PLCH1: variants seen among roughly 807,000 people sequenced by gnomAD.
The protein encoded by PLCH1 is 1-phosphatidylinositol 4,5-bisphosphate phosphodiesterase eta-1.
In PLCH1, 60 loss-of-function variants were observed where a neutral mutation model predicts 126.7. That is an observed-to-expected ratio of 0.47 (90% CI 0.38 to 0.59). PLCH1 has a LOEUF of 0.59. PLCH1 is among the 20% of genes least tolerant of loss of function. The pLI is 0.00. For synonymous variants in PLCH1, 719 were observed against 734.9 expected, an observed-to-expected ratio of 0.98 and a Z score of 0.35; for missense variants, 1,723 against 2,040.0, an observed-to-expected ratio of 0.84 and a Z score of 2.99.
chr3:155,522,152 T>C (rs968602154), intron 11 of PLCH1, among the ~76,000 whole-genome samples: 1 of 152,134 alleles, frequency 6.6e-6, no homozygotes, highest in Non-Finnish European at 1.5e-5. Flanking sequence ...ACACTATGGC[T>C]GGCAACCAAG....
intron 1 of PLCH1, among the ~76,000 whole-genome samples, chr3:155,714,116 A>G (rs980854352): frequency 5.9e-5 from 9 of 152,372 alleles, no homozygotes; most frequent in Admixed American, 4.6e-4. Context: ...TATATCCTGT[A>G]CTTCGGCCTC....
In PLCH1 at chr3:155,482,477, C is replaced by T. The variant is rs1180033291; in HGVS notation, c.3549G>A (p.Glu1183=). 2 of 1,614,102 alleles carry T rather than the reference C, an allele frequency of 1.2e-6. No individual in the cohort carries two copies. Among genetic ancestry groups the T allele is most frequent in the South Asian group, 1.1e-5 (1 of 91,074 alleles). The change falls in exon 23 of 23, where the codon GAG becomes GAA. Residue 1183 remains glutamate, a synonymous_variant. Coordinates refer to ENST00000460012, the MANE Select transcript of PLCH1 (RefSeq NM_014996.4). ...TCAGGGCTGAGATGGAACTGCCCGG[C>T]TCATTCTCATTTGTTAAAGTGACAT... is the stretch of plus-strand genomic sequence containing the variant. ...IDNVTLTNEN[E]PGSSISALIG... is the part of the protein sequence containing the mutation.
chr3:155,499,107 T>C (rs536510711), intron 14 of PLCH1, among the ~76,000 whole-genome samples: 2 of 152,344 alleles, frequency 1.3e-5, no homozygotes, highest in East Asian at 1.9e-4. Flanking sequence ...ATAAGTATCA[T>C]AGTGGGTGTG....
intron 2 of PLCH1, among the ~76,000 whole-genome samples, chr3:155,607,954 T>C (rs1247125358): frequency 2.0e-5 from 3 of 152,094 alleles, no homozygotes; most frequent in African/African-American, 7.2e-5. Context: ...ACTCTGTAAA[T>C]TCCACGAGAC....
intron 21 of PLCH1, among the ~76,000 whole-genome samples, chr3:155,456,411 T>TG (rs2107968809): frequency 6.6e-6 from 1 of 152,230 alleles, no homozygotes; most frequent in South Asian, 2.1e-4. Context: ...AAAGCCATCC[T>TG]GGGCTGCCTT....
chr3:155,595,675 T>C (rs748267013), intron 3 of PLCH1, among the ~76,000 whole-genome samples: 1 of 152,192 alleles, frequency 6.6e-6, no homozygotes, highest in Non-Finnish European at 1.5e-5. Flanking sequence ...CATAATCACA[T>C]GAGCCAATTC....
chr3:155,608,214 G>A (rs1734593651), intron 2 of PLCH1, among the ~76,000 whole-genome samples: 1 of 152,288 alleles, frequency 6.6e-6, no homozygotes, highest in African/African-American at 2.4e-5. Flanking sequence ...TCTAACAGGG[G>A]TCCTTGGGGA....
At chr3:155,722,983 C>T (rs747606368) in intron 1 of PLCH1, among the ~76,000 whole-genome samples, 1 of 152,110 alleles carries the variant, frequency 6.6e-6, no homozygotes, top group Non-Finnish European at 1.5e-5. Context: ...TTTTTTACTA[C>T]CATTTCAATC....
intron 6 of PLCH1, among the ~76,000 whole-genome samples, chr3:155,575,952 A>T (rs1729889165): frequency 6.6e-6 from 1 of 152,048 alleles, no homozygotes; most frequent in East Asian, 1.9e-4. Context: ...GGCTAGGAGG[A>T]TTTTCCAACT....
intron 2 of PLCH1, among the ~76,000 whole-genome samples, chr3:155,678,026 C>T (rs550904229): frequency 3.2e-4 from 48 of 152,240 alleles, no homozygotes; most frequent in African/African-American, 1.1e-3. Flanking sequence ...ATCTCTTGCT[C>T]GGTCCTGAAA....
In PLCH1 at chr3:155,488,817, T is replaced by C. The variant is rs376598506; in HGVS notation, c.2393-11A>G. 5 of 1,595,742 alleles carry C rather than the reference T, an allele frequency of 3.1e-6. No individual in the cohort carries two copies. The highest frequency in any genetic ancestry group is 2.3e-5 in the South Asian group (2 of 87,288). On this transcript the variant is annotated splice_polypyrimidine_tract_variant and intron_variant, in intron 19 of 22. Coordinates refer to ENST00000460012, the MANE Select transcript of PLCH1 (RefSeq NM_014996.4). ...ACACAGGGTTAAATCCTCAGAGAAATAGGAAAAGAAAAATCAGAAAAGCAA... is the reference window on the plus strand; with the variant it reads ...ACACAGGGTTAAATCCTCAGAGAAACAGGAAAAGAAAAATCAGAAAAGCAA...
At position 155,526,370 on chromosome 3, in the gene PLCH1, G is replaced by GCT. The variant is rs576894112; in HGVS notation, c.1363-2368_1363-2367dup. Among the ~76,000 whole-genome samples the GCT allele has an allele frequency of 4.3e-3, 640 of 147,242 alleles. 1 individual carries two copies. Among genetic ancestry groups the GCT allele is most frequent in the African/African-American group, 0.014 (572 of 40,134 alleles). Reference sequence around the variant, plus strand: ...CTCCAAACTTCTCTCCTTTCCTGGAGCTCTCTCTCTCTCTCTCTCTTCTTT... The same window carrying GCT: ...CTCCAAACTTCTCTCCTTTCCTGGAGCTCTCTCTCTCTCTCTCTCTCTTCTTT... On this transcript the variant is annotated intron_variant, in intron 10 of 22. Transcript: ENST00000460012.
chr3:155,588,356 T>G (rs147344318), intron 4 of PLCH1, among the ~76,000 whole-genome samples: 1 of 152,046 alleles, frequency 6.6e-6, no homozygotes, highest in African/African-American at 2.4e-5. Context: ...GGGTGAAACA[T>G]TTGGCCCAAT....
chr3:155,644,419 A>G (rs1739765040), intron 2 of PLCH1, among the ~76,000 whole-genome samples: 1 of 152,166 alleles, frequency 6.6e-6, no homozygotes, highest in Admixed American at 6.5e-5. Context: ...CCTGGCCTAC[A>G]TGGCGAAACC....
At chr3:155,470,848 A>G (rs1052646849) in intron 21 of PLCH1, among the ~76,000 whole-genome samples, 1 of 152,156 alleles carries the variant, frequency 6.6e-6, no homozygotes, top group African/African-American at 2.4e-5. Context: ...TGAAGGAGAA[A>G]TAAAATAATT....
intron 21 of PLCH1, 117 bp downstream of exon 21, chr3:155,487,909 TAG>T (rs1419138686): frequency 3.0e-6 from 2 of 659,212 alleles, no homozygotes; most frequent in Non-Finnish European, 5.4e-6. Context: ...TGGGCCTCCT[TAG>T]AGTTTTTGGT....
intron 10 of PLCH1, among the ~76,000 whole-genome samples, chr3:155,526,427 C>T (rs916078096): frequency 2.7e-5 from 4 of 148,196 alleles, no homozygotes; most frequent in Non-Finnish European, 6.0e-5. Context: ...TCTCTTCTGT[C>T]TCTCTCTCTC....
rs781625560 is a variant in PLCH1 at position 155,549,768 on chromosome 3, C to T, written c.1362+19G>A. ...AGCTGATAATGAATGTCTTTTATTGCATTACTTGAAGTAATTACCTTCACT... is the reference window on the plus strand; with the variant it reads ...AGCTGATAATGAATGTCTTTTATTGTATTACTTGAAGTAATTACCTTCACT... On this transcript the variant is annotated intron_variant, in intron 10 of 22. Transcript: ENST00000460012. 3 of 1,578,636 alleles carry T rather than the reference C, an allele frequency of 1.9e-6. No homozygotes were observed. The highest frequency in any genetic ancestry group is 2.2e-5 in the East Asian group (1 of 44,708).
chr3:155,627,071 T>G (rs1737395807), intron 2 of PLCH1, among the ~76,000 whole-genome samples: 1 of 152,126 alleles, frequency 6.6e-6, no homozygotes, highest in Admixed American at 6.5e-5. Context: ...GTAAATAATG[T>G]CACATGATAT....
Sources: gnomAD v4.1 joint callset for allele counts (sites outside exome capture counted in the v4.1 genomes callset) on GRCh38, gnomAD v4.1.1 for gene constraint, MANE v1.5 for transcripts, NCBI Gene and HGNC (gene_info 2026-07-23, HGNC 2026-07-21) for gene names.